Variants in LIPA observed in about 807,000 individuals in gnomAD.
LIPA encodes the protein lysosomal acid lipase/cholesteryl ester hydrolase.
LIPA carries 26 observed loss-of-function variants against 40.6 expected under a neutral mutation model. The ratio of observed to expected loss-of-function variants is 0.64; its 90% CI spans 0.47 to 0.89. The LOEUF (loss-of-function observed/expected upper bound fraction) is 0.89, where lower values mean the gene tolerates loss of function less well. Ranked by LOEUF, LIPA falls within the 40% of genes least tolerant of loss-of-function variation. The probability of loss-of-function intolerance (pLI) is 0.00; values close to 1 mark genes in which losing one functional copy is unlikely to be tolerated. For missense variants in LIPA, 455 were observed against 479.6 expected (o/e 0.95, Z 0.48); for synonymous variants, 188 against 168.4 (o/e 1.12, Z -0.90).
rs1843410427 is a variant in LIPA at position 89,295,846 on chromosome 10, GTTGCTA to G, written c.-2+46759_-2+46764del. Among the ~76,000 whole-genome samples, 3 of 152,300 alleles carry G rather than the reference GTTGCTA, an allele frequency of 2.0e-5. No homozygotes were observed. The East Asian group carries it at 5.8e-4, about 29-fold the overall frequency. On this transcript the variant is annotated intron_variant, in intron 1 of 5. Coordinates refer to the LIPA transcript ENST00000282673. ...AGGAGAAAGTTGGTTTTCCTTTTCA[GTTGCTA>G]TTTTGCAATCACATTGCATGCATAG...
At chr10:89,280,707 G>A (rs1349924138) in intron 1 of LIPA, among the ~76,000 whole-genome samples, 1 of 152,154 alleles carries the variant, frequency 6.6e-6, no homozygotes, top group Non-Finnish European at 1.5e-5. Context: ...TCACCATCTG[G>A]TTTCACTAAA....
chr10:89,306,572 C>T, intron 1 of LIPA: 1 of 1,614,118 alleles, frequency 6.2e-7, no homozygotes, highest in Non-Finnish European at 8.5e-7. Flanking sequence ...TCGGCTGAAT[C>T]CTGACAACCA....
rs538080534 is a variant in LIPA, at chr10:89,389,894, C to G, written c.61+22897G>C. Among the ~76,000 whole-genome samples, 5 of 151,176 alleles carry G rather than the reference C, an allele frequency of 3.3e-5. No individual in the cohort carries two copies. In the South Asian group the frequency reaches 1.0e-3, roughly 31 times the overall value. ...TCTCAGTCAGAGAATTTCAGACATA[C>G]AATAGACATTAGGGATAATTGAGGC... On this transcript the variant is annotated intron_variant, in intron 2 of 8. Transcript: ENST00000371837.
At chr10:89,226,020 C>G (rs1842765675) in intron 5 of LIPA, among the ~76,000 whole-genome samples, 1 of 152,182 alleles carries the variant, frequency 6.6e-6, no homozygotes, top group South Asian at 2.1e-4. Flanking sequence ...ATTGCCCAGT[C>G]TCGGGTATGT....
intron 5 of LIPA, among the ~76,000 whole-genome samples, chr10:89,226,173 G>A (rs1842767752): frequency 1.3e-5 from 2 of 152,128 alleles, no homozygotes; most frequent in South Asian, 4.1e-4. Flanking sequence ...AAAGAAAAAT[G>A]CCTAACTCCA....
At chr10:89,344,309 A>T (rs1843897721), upstream of LIPA, among the ~76,000 whole-genome samples, 1 of 152,230 alleles carries the variant, frequency 6.6e-6, no homozygotes, top group African/African-American at 2.4e-5. Flanking sequence ...GCATGTGTTC[A>T]TTTGTGTTGG....
chr10:89,305,974 G>A, intron 1 of LIPA: 1 of 1,611,080 alleles, frequency 6.2e-7, no homozygotes, highest in Non-Finnish European at 8.5e-7. Flanking sequence ...AGAACAATAA[G>A]AATTCCTTGG....
At chr10:89,298,740 C>T (rs1485331532) in intron 1 of LIPA, among the ~76,000 whole-genome samples, 1 of 152,178 alleles carries the variant, frequency 6.6e-6, no homozygotes, top group African/African-American at 2.4e-5. Context: ...AATCCCAGCA[C>T]TTAGGGAGGA....
chr10:89,281,572 C>T (rs771996286), intron 1 of LIPA, among the ~76,000 whole-genome samples: 10 of 152,172 alleles, frequency 6.6e-5, no homozygotes, highest in Non-Finnish European at 1.3e-4. Context: ...ACTAAGGCTC[C>T]AATAGATCAA....
At chr10:89,262,899 T>C (rs972303730) in intron 1 of LIPA, among the ~76,000 whole-genome samples, 9 of 152,256 alleles carry the variant, frequency 5.9e-5, no homozygotes, top group African/African-American at 2.2e-4. Flanking sequence ...CAATCACTTT[T>C]TGTGAAGGGA....
At chr10:89,402,841 A>C in intron 2 of LIPA, 1 of 1,614,192 alleles carries the variant, frequency 6.2e-7, no homozygotes, top group Non-Finnish European at 8.5e-7. Flanking sequence ...TATCGCCTGG[A>C]TGGCTTTAAA....
intron 1 of LIPA, among the ~76,000 whole-genome samples, chr10:89,289,753 G>GACAAAGT (rs1843361250): frequency 1.3e-5 from 2 of 152,110 alleles, no homozygotes; most frequent in South Asian, 4.1e-4. Context: ...GATCTTTGGT[G>GACAAAGT]ACAAAGTATA....
At chr10:89,286,057 G>C (rs1843339614) in intron 1 of LIPA, among the ~76,000 whole-genome samples, 1 of 152,062 alleles carries the variant, frequency 6.6e-6, no homozygotes, top group African/African-American at 2.4e-5. Context: ...CTCGACAGTG[G>C]TTCCAAAGAG....
rs140019421 is a variant in LIPA, at chr10:89,379,049, A to T, written c.61+33742T>A. On this transcript the variant is annotated intron_variant, in intron 2 of 8. Transcript: ENST00000371837. ...TCTTTTAGGCATCCAGGTGAGAAGA[A>T]GCAGCTATTTTTATTTGATAAATTG... Among the ~76,000 whole-genome samples the T allele has an allele frequency of 3.3e-4, 51 of 152,356 alleles. 4 individuals are homozygous for T. The East Asian group carries it at 9.6e-3, about 29-fold the overall frequency.
At chr10:89,388,191 C>G (rs977890248) in intron 2 of LIPA, among the ~76,000 whole-genome samples, 1 of 152,106 alleles carries the variant, frequency 6.6e-6, no homozygotes, top group African/African-American at 2.4e-5. Flanking sequence ...CTGCAATCTC[C>G]GCCTCCTGGG....
intron 1 of LIPA, chr10:89,306,205 A>G (rs1269313124): frequency 1.9e-6 from 3 of 1,614,064 alleles, no homozygotes; most frequent in Admixed American, 3.3e-5. Context: ...TAATCCAGCA[A>G]GAGCATGCTG....
intron 2 of LIPA, among the ~76,000 whole-genome samples, chr10:89,392,919 G>C (rs537199312): frequency 4.6e-5 from 7 of 152,112 alleles, no homozygotes; most frequent in Non-Finnish European, 1.0e-4. Context: ...TTTTATGTTT[G>C]TTAGCATGAA....
intron 2 of LIPA, among the ~76,000 whole-genome samples, chr10:89,412,289 C>T (rs556477205): frequency 1.1e-4 from 16 of 151,738 alleles, no homozygotes; most frequent in East Asian, 7.8e-4. Flanking sequence ...GGATTGTAAA[C>T]GCACCAATCA....
upstream of LIPA, among the ~76,000 whole-genome samples, chr10:89,254,753 C>T (rs908612301): frequency 6.6e-6 from 1 of 152,142 alleles, no homozygotes; most frequent in Non-Finnish European, 1.5e-5. Context: ...TTTAACAGCA[C>T]CCAAGTCACC....
Sources: allele counts gnomAD v4.1 joint callset (sites outside exome capture counted in the v4.1 genomes callset), GRCh38; gene constraint gnomAD v4.1.1; transcripts MANE v1.5; gene names NCBI Gene and HGNC (gene_info 2026-07-23, HGNC 2026-07-21).